The following GHR variants were observed in gnomAD, a reference collection of about 807,000 sequenced individuals.
GHR encodes GH receptor.
Under a neutral mutation model 67.1 loss-of-function variants are expected in GHR, and 35 were observed. The observed-to-expected ratio is 0.52, with a 90% confidence interval of 0.40 to 0.69. The LOEUF (loss-of-function observed/expected upper bound fraction) is 0.69, where lower values mean the gene tolerates loss of function less well. Among genes scored for constraint, GHR ranks in the 30% least tolerant of loss-of-function variants. The pLI, the probability that GHR is intolerant of heterozygous loss-of-function variation, is 0.00. For synonymous variants in GHR, 272 were observed against 269.1 expected, an observed-to-expected ratio of 1.01 and a Z score of -0.10; for missense variants, 792 against 764.6, an observed-to-expected ratio of 1.04 and a Z score of -0.42.
At chr5:42,506,541 A>T (rs1302298001) in intron 1 of GHR, among the ~76,000 whole-genome samples, 1 of 152,146 alleles carries the variant, frequency 6.6e-6, no homozygotes, top group South Asian at 2.1e-4. Flanking sequence ...TTATAGCAAA[A>T]TATATTTGAT....
At chr5:42,704,088 AGAG>A (rs1289746600) in intron 6 of GHR, among the ~76,000 whole-genome samples, 1 of 151,964 alleles carries the variant, frequency 6.6e-6, no homozygotes, top group African/African-American at 2.4e-5. Context: ...AGAATAGAGT[AGAG>A]GAGTTACATT....
intron 7 of GHR, among the ~76,000 whole-genome samples, chr5:42,712,668 C>T (rs1280406790): frequency 1.3e-5 from 2 of 151,976 alleles, no homozygotes; most frequent in African/African-American, 2.4e-5. Flanking sequence ...TGGTTAGCCT[C>T]TGCCTCTGTG....
At chr5:42,625,923 G>A (rs1489556383) in intron 2 of GHR, among the ~76,000 whole-genome samples, 5 of 151,988 alleles carry the variant, frequency 3.3e-5, no homozygotes, top group African/African-American at 4.8e-5. Flanking sequence ...AATATACTTT[G>A]GGGCTAATAT....
intron 1 of GHR, among the ~76,000 whole-genome samples, chr5:42,435,960 C>T (rs1028581192): frequency 2.0e-5 from 3 of 152,166 alleles, no homozygotes; most frequent in African/African-American, 7.2e-5. Flanking sequence ...CAAAGTTTTA[C>T]TCAGCGTACA....
chr5:42,632,571 T>G (rs1299688693), intron 3 of GHR, among the ~76,000 whole-genome samples: 1 of 152,254 alleles, frequency 6.6e-6, no homozygotes, highest in Non-Finnish European at 1.5e-5. Context: ...TCTTAATCCA[T>G]GTGAATGTGC....
intron 1 of GHR, among the ~76,000 whole-genome samples, chr5:42,521,679 C>G (rs1369570138): frequency 6.6e-6 from 1 of 152,054 alleles, no homozygotes; most frequent in Non-Finnish European, 1.5e-5. Context: ...GGCTTATTTT[C>G]TTTTGATTTT....
chr5:42,511,285 GAAC>G (rs1481869971), intron 1 of GHR, among the ~76,000 whole-genome samples: 7 of 152,250 alleles, frequency 4.6e-5, no homozygotes, highest in African/African-American at 1.7e-4. Context: ...TGATTTAAAA[GAAC>G]AACACCACCC....
intron 2 of GHR, among the ~76,000 whole-genome samples, chr5:42,594,087 A>G (rs1447207814): frequency 6.6e-6 from 1 of 152,156 alleles, no homozygotes. Context: ...ATGGCTCTCC[A>G]CGAATTTTGT....
intron 6 of GHR, among the ~76,000 whole-genome samples, chr5:42,702,558 G>T (rs1228566237): frequency 6.6e-6 from 1 of 152,022 alleles, no homozygotes; most frequent in East Asian, 1.9e-4. Context: ...TATATACTTA[G>T]TAGTGGAATA....
intron 1 of GHR, among the ~76,000 whole-genome samples, chr5:42,451,941 C>T (rs1432746727): frequency 1.3e-5 from 2 of 152,080 alleles, no homozygotes; most frequent in African/African-American, 4.8e-5. Flanking sequence ...CTGTTCTATT[C>T]ATTATGTTAG....
chr5:42,545,411 C>T (rs984029895), intron 1 of GHR, among the ~76,000 whole-genome samples: 3 of 152,088 alleles, frequency 2.0e-5, no homozygotes, highest in East Asian at 1.9e-4. Flanking sequence ...AGCATGTTTT[C>T]GGTTTTCTTT....
chr5:42,563,346 G>T (rs770021963), intron 1 of GHR, among the ~76,000 whole-genome samples: 125 of 152,030 alleles, frequency 8.2e-4, no homozygotes, highest in Non-Finnish European at 1.6e-3. Flanking sequence ...TGGGCACGGT[G>T]GCTCATACCT....
At chr5:42,464,072 T>C (rs1161954868) in intron 1 of GHR, among the ~76,000 whole-genome samples, 1 of 100,620 alleles carries the variant, frequency 9.9e-6, no homozygotes, top group African/African-American at 4.3e-5. Flanking sequence ...AAAAAAAAAG[T>C]GCTCAGAGTC....
At chr5:42,469,125 G>A (rs910560699) in intron 1 of GHR, among the ~76,000 whole-genome samples, 2 of 152,242 alleles carry the variant, frequency 1.3e-5, no homozygotes, top group Non-Finnish European at 2.9e-5. Context: ...CTGGGAAAGA[G>A]AGACAGTTTG....
chr5:42,718,153 G>C (rs1758813352), intron 9 of GHR, 32 bp downstream of exon 9: 1 of 1,081,640 alleles, frequency 9.2e-7, no homozygotes, highest in African/African-American at 1.5e-5. Flanking sequence ...ATTGTAGCTA[G>C]TACTAATTAA....
chr5:42,515,761 G>T (rs149495940), intron 1 of GHR, among the ~76,000 whole-genome samples: 4 of 152,180 alleles, frequency 2.6e-5, no homozygotes, highest in Admixed American at 1.3e-4. Flanking sequence ...TAACCAGGAA[G>T]AATAAAATAG....
At chr5:42,497,169 G>A (rs914656772) in intron 1 of GHR, among the ~76,000 whole-genome samples, 27 of 152,174 alleles carry the variant, frequency 1.8e-4, no homozygotes, top group African/African-American at 5.1e-4. Flanking sequence ...CCTTCACATG[G>A]AGCCACCATG....
intron 3 of GHR, among the ~76,000 whole-genome samples, chr5:42,661,133 G>A (rs1755591048): frequency 6.6e-6 from 1 of 152,216 alleles, no homozygotes; most frequent in South Asian, 2.1e-4. Flanking sequence ...TCTGATTGGT[G>A]TACCTGAAAT....
chr5:42,518,727 G>GA (rs1227069687), intron 1 of GHR, among the ~76,000 whole-genome samples: 4 of 152,146 alleles, frequency 2.6e-5, no homozygotes, highest in African/African-American at 9.7e-5. Context: ...AATCCTCCTT[G>GA]AAGAAGGCGG....
Sources: gnomAD v4.1 joint callset for allele counts (sites outside exome capture counted in the v4.1 genomes callset) on GRCh38, gnomAD v4.1.1 for gene constraint, MANE v1.5 for transcripts, NCBI Gene and HGNC (gene_info 2026-07-23, HGNC 2026-07-21) for gene names.